THOP1: variants seen among roughly 807,000 people sequenced by gnomAD.
THOP1 encodes the protein thimet oligopeptidase 1, also known as thimet oligopeptidase.
Under a neutral mutation model 71.8 loss-of-function variants are expected in THOP1, and 49 were observed. The observed-to-expected ratio is 0.68, with a 90% CI of 0.54 to 0.87. The LOEUF is 0.87. THOP1 is among the 40% of genes least tolerant of loss of function. The probability of loss-of-function intolerance (pLI) is 0.00; values close to 1 mark genes in which losing one functional copy is unlikely to be tolerated. For missense variants in THOP1, 843 were observed against 975.6 expected (o/e 0.86, Z 1.81); for synonymous variants, 426 against 421.5 (o/e 1.01, Z -0.13).
At position 2,794,763 on chromosome 19, in the gene THOP1, G is replaced by A. The variant is rs1388534551; in HGVS notation, c.230-1G>A. On this transcript the variant is annotated splice_acceptor_variant, in intron 2 of 12. Transcript: ENST00000307741. LOFTEE classifies it high-confidence loss of function. ...TGTCTCCCTGGTCTCCCCTGTTTTA[G>A]TTCAGAGGAATATCCTTGACTTCCC... 3.1e-6 allele frequency: 5 copies of A among 1,612,500 alleles called. No individual in the cohort carries two copies. Among genetic ancestry groups the A allele is most frequent in the Non-Finnish European group, 4.2e-6 (5 of 1,178,684 alleles).
rs957686737 is a variant in THOP1, at chr19:2,813,484, C to T, written c.*208C>T. 8.5e-6 allele frequency: 5 copies of T among 588,512 alleles called. No individual in the cohort carries two copies. The highest frequency in any genetic ancestry group is 1.9e-5 in the African/African-American group (1 of 53,864). The allele number at this position is 588,512 out of a possible 1,614,324, so 36.5% of individuals were successfully genotyped here. ...GTCCTCAAGGCATCTGGAGGGCTTT[C>T]GTGGCTGCCAGGGCCTGGTCTTTGT... On this transcript the variant is annotated 3_prime_UTR_variant, in exon 13 of 13. Transcript: ENST00000307741.
chr19:2,811,474 C>T (rs2144785480), intron 11 of THOP1, 124 bp from the exon 12 acceptor site: 4 of 1,355,938 alleles, frequency 2.9e-6, no homozygotes, highest in East Asian at 5.2e-5. Flanking sequence ...TCGGCCCTCA[C>T]CGTGATCCTC....
At position 2,801,158 on chromosome 19, in the gene THOP1, C is replaced by T. The variant is rs115716440; in HGVS notation, c.589+1367C>T. On this transcript the variant is annotated intron_variant, in intron 5 of 12. Transcript: ENST00000307741. This position sits in a 1 kb window ranked among gnomAD's most constrained non-coding sequence, Gnocchi z 5.1. ...GAGGTCTGGAAGGTCCTTGGGCACG[C>T]ACAGTTATCTGTCCGTGCCAGCTCG... Among the ~76,000 whole-genome samples the T allele has an allele frequency of 1.3e-5, 2 of 152,090 alleles. No individual in the cohort carries two copies. Among genetic ancestry groups the T allele is most frequent in the Non-Finnish European group, 1.5e-5 (1 of 68,014 alleles).
At chr19:2,792,435 G>A (rs1319570257) in intron 2 of THOP1, among the ~76,000 whole-genome samples, 3 of 151,998 alleles carry the variant, frequency 2.0e-5, no homozygotes, top group Admixed American at 2.0e-4. Flanking sequence ...AAAGTGTGGG[G>A]ATTACAGGCA....
chr19:2,795,457 C>T (rs535788160), intron 3 of THOP1, among the ~76,000 whole-genome samples: 1 of 152,360 alleles, frequency 6.6e-6, no homozygotes, highest in African/African-American at 2.4e-5. Flanking sequence ...CCTCCTGCTG[C>T]TGTTCATCCT....
chr19:2,806,708 C>A, intron 6 of THOP1: 1 of 760,416 alleles, frequency 1.3e-6, no homozygotes, highest in Non-Finnish European at 2.0e-6. Flanking sequence ...GAGTCATCTG[C>A]ACCCCTTCTG....
intron 1 of THOP1, among the ~76,000 whole-genome samples, chr19:2,789,391 G>A (rs1044997185): frequency 5.3e-5 from 8 of 152,310 alleles, no homozygotes; most frequent in Non-Finnish European, 8.8e-5. Flanking sequence ...AGGAGCCCCC[G>A]CCTGCCATTC....
chr19:2,795,430 A>T (rs913447415), intron 3 of THOP1, among the ~76,000 whole-genome samples: 1 of 152,224 alleles, frequency 6.6e-6, no homozygotes, highest in African/African-American at 2.4e-5. Context: ...TCACATGATC[A>T]GGAGAGACCC....
rs1163681335 is a variant in THOP1 at position 2,805,672 on chromosome 19, C to A, written c.750+496C>A. On this transcript the variant is annotated intron_variant, in intron 6 of 12. Transcript: ENST00000307741. This position sits in a 1 kb window ranked among gnomAD's most constrained non-coding sequence, Gnocchi z 6.6. ...TGTGGTCGGTCAGGTGGTCTCTGCA[C>A]GTCTCCCATTCGCCATCTGGAACAG... 6.6e-6 allele frequency among the ~76,000 whole-genome samples: 1 copy of A among 152,138 alleles called. No individual in the cohort carries two copies. The highest frequency in any genetic ancestry group is 2.4e-5 in the African/African-American group (1 of 41,426).
rs1363289826 is a variant in THOP1 at position 2,815,799 on chromosome 19, A to G, written c.*2523A>G. The stretch of plus-strand genomic sequence containing the variant: ...AAAAAGGGGGAAATAAAGAATCGTA[A>G]AAAATACATATATTGGAACCTGTAT... On this transcript the variant is annotated 3_prime_UTR_variant, in exon 13 of 13. Coordinates refer to ENST00000307741, the MANE Select transcript of THOP1 (RefSeq NM_003249.5). 6.6e-6 allele frequency: 1 copy of G among 152,234 alleles called. No homozygotes were observed. Among genetic ancestry groups the G allele is most frequent in the Non-Finnish European group, 1.5e-5 (1 of 68,042 alleles). The allele number at this position is 152,234 out of a possible 1,614,324, so 9.4% of individuals were successfully genotyped here.
In THOP1 at chr19:2,804,753, G is replaced by C; in HGVS notation, c.590-263G>C. On this transcript the variant is annotated intron_variant, in intron 5 of 12. Coordinates refer to ENST00000307741, the MANE Select transcript of THOP1 (RefSeq NM_003249.5). The surrounding 1 kb of genome is among the most constrained non-coding windows in gnomAD (Gnocchi z 4.7). ...AGGAGATCCTGCTCTGAGGATGCTGGGGGGTTTCCTGGTGGGGTTAGAGGC... is the reference window on the plus strand; with the variant it reads ...AGGAGATCCTGCTCTGAGGATGCTGCGGGGTTTCCTGGTGGGGTTAGAGGC... 1 of 427,232 alleles carries C rather than the reference G, an allele frequency of 2.3e-6. No homozygotes were observed. Among genetic ancestry groups the C allele is most frequent in the South Asian group, 3.4e-5 (1 of 29,000 alleles). 26.5% of individuals were successfully genotyped at this position (427,232 alleles called of 1,614,324 possible). A position where few individuals can be genotyped will look rare whatever the true frequency, so the allele number is the denominator to read the frequency against.
intron 1 of THOP1, among the ~76,000 whole-genome samples, chr19:2,788,005 A>C (rs973715876): frequency 3.3e-5 from 5 of 152,138 alleles, no homozygotes; most frequent in African/African-American, 1.2e-4. Context: ...GGACTCTATT[A>C]ATACTGTTCT....
chr19:2,807,775 T>C lies in THOP1; in HGVS notation c.1220T>C (p.Val407Ala). Residue 407 changes from valine (V) to alanine (A), a missense_variant, in exon 8 of 13, where the codon GTG becomes GCG. Val to Ala is a moderately conservative substitution (Grantham distance 64, BLOSUM62 0). Coordinates refer to ENST00000307741, the MANE Select transcript of THOP1 (RefSeq NM_003249.5). ...GCGAGGGACGCGGCCTCGGGGGAGG[T>C]GGTCGGCAAGTTCTACCTGGACCTG... ...YTARDAASGE[V>A]VGKFYLDLYP... 6.5e-7 allele frequency: 1 copy of C among 1,531,828 alleles called. No homozygotes were observed. Among genetic ancestry groups the C allele is most frequent in the Non-Finnish European group, 8.8e-7 (1 of 1,136,738 alleles). The allele number at this position is 1,531,828 out of a possible 1,614,324, so 94.9% of individuals were successfully genotyped here. A position where few individuals can be genotyped will look rare whatever the true frequency, so the allele number is the denominator to read the frequency against.
At chr19:2,803,674 T>C (rs140564023) in intron 5 of THOP1, among the ~76,000 whole-genome samples, 1 of 152,212 alleles carries the variant, frequency 6.6e-6, no homozygotes, top group African/African-American at 2.4e-5. Flanking sequence ...GATGTGCAGG[T>C]CCCGGGAGGC....
intron 12 of THOP1, chr19:2,812,014 C>G: frequency 9.7e-7 from 1 of 1,030,612 alleles, no homozygotes; most frequent in Non-Finnish European, 1.4e-6. Context: ...CAGCTCCTCC[C>G]TGGGCCCTGC....
In THOP1 at chr19:2,805,166, G is replaced by T; in HGVS notation, c.740G>T (p.Arg247Leu). 1 of 1,611,474 alleles carries T rather than the reference G, an allele frequency of 6.2e-7. No homozygotes were observed. Among genetic ancestry groups the T allele is most frequent in the Non-Finnish European group, 8.5e-7 (1 of 1,179,286 alleles). ...RRKVEEAFNCRCKEENCAILK... is the reference protein window; with the variant it reads ...RRKVEEAFNCLCKEENCAILK... ...AAAGTGGAGGAGGCCTTCAACTGCCGGTGCAAGGAGGTGAGAAGGCACGGC... is the reference window on the plus strand; with the variant it reads ...AAAGTGGAGGAGGCCTTCAACTGCCTGTGCAAGGAGGTGAGAAGGCACGGC... Residue 247 changes from arginine to leucine, a missense_variant, in exon 6 of 13, where the codon CGG (arginine) becomes CTG (leucine). By Grantham distance (102) the Arg-to-Leu change is moderately radical (BLOSUM62 -2). Coordinates refer to ENST00000307741, the MANE Select transcript of THOP1 (RefSeq NM_003249.5). The surrounding 1 kb of genome is among the most constrained non-coding windows in gnomAD (Gnocchi z 6.6).
chr19:2,787,622 G>A (rs1293642093), intron 1 of THOP1, among the ~76,000 whole-genome samples: 1 of 152,176 alleles, frequency 6.6e-6, no homozygotes, highest in East Asian at 1.9e-4. Context: ...TAAGTTTACA[G>A]CAAAGTCATT....
At chr19:2,803,109 C>A (rs1241811159) in intron 5 of THOP1, among the ~76,000 whole-genome samples, 1 of 152,238 alleles carries the variant, frequency 6.6e-6, no homozygotes, top group Non-Finnish European at 1.5e-5. Context: ...TCGTCCCATG[C>A]TCTCCCTGCC....
chr19:2,803,942 G>A (rs1291856528), intron 5 of THOP1, among the ~76,000 whole-genome samples: 1 of 150,858 alleles, frequency 6.6e-6, no homozygotes, highest in Non-Finnish European at 1.5e-5. Context: ...CTGGGGTCGG[G>A]GTGAGCTCCC....
Sources: allele counts gnomAD v4.1 joint callset (sites outside exome capture counted in the v4.1 genomes callset), GRCh38; gene constraint gnomAD v4.1.1; non-coding constraint Gnocchi (gnomAD v3.1); transcripts MANE v1.5; gene names NCBI Gene and HGNC (gene_info 2026-07-23, HGNC 2026-07-21).